The following MORC3 variants were observed in gnomAD, a reference collection of about 807,000 sequenced individuals.
The protein encoded by MORC3 is MORC family CW-type zinc finger protein 3.
MORC3 carries 31 observed loss-of-function variants against 109.1 expected under a neutral mutation model. That is an observed-to-expected ratio of 0.28 (90% CI 0.21 to 0.38). MORC3 has a LOEUF of 0.38. Among genes scored for constraint, MORC3 ranks in the 10% least tolerant of loss-of-function variants. The pLI is 1.00. For missense variants in MORC3, 867 were observed against 1,135.8 expected (o/e 0.76, Z 3.40); for synonymous variants, 395 against 380.7 (o/e 1.04, Z -0.44).
At chr21:36,356,234 T>C (rs1158483302) in intron 9 of MORC3, among the ~76,000 whole-genome samples, 2 of 152,222 alleles carry the variant, frequency 1.3e-5, no homozygotes, top group Non-Finnish European at 2.9e-5. Flanking sequence ...TGCTTCAGTC[T>C]TGATAAATTT....
At chr21:36,323,680 G>A (rs896629435) in intron 1 of MORC3, among the ~76,000 whole-genome samples, 2 of 152,128 alleles carry the variant, frequency 1.3e-5, no homozygotes, top group African/African-American at 4.8e-5. Context: ...TTTTAAAGAC[G>A]TGCTTGATTG....
intron 12 of MORC3, chr21:36,361,531 A>ACT (rs2085715517): frequency 1.1e-5 from 1 of 94,622 alleles, no homozygotes; most frequent in Non-Finnish European, 1.9e-5. Flanking sequence ...ACAGAGTGAG[A>ACT]CTCTGTCTCA....
At position 36,356,626 on chromosome 21, in the gene MORC3, A is replaced by G; in HGVS notation, c.1110A>G (p.Thr370=). 1 of 1,580,444 alleles carries G rather than the reference A, an allele frequency of 6.3e-7. No homozygotes were observed. Among genetic ancestry groups the G allele is most frequent in the Non-Finnish European group, 8.6e-7 (1 of 1,167,298 alleles). ...DFDYTNEYRL[T]ITALGEKLND... ...TTATGATTTACTTTTTAAGACTTAC[A>G]ATAACAGCACTAGGAGAAAAGCTGA... is the stretch of plus-strand genomic sequence containing the variant. The change falls in exon 10 of 17, where the codon ACA becomes ACG. Residue 370 remains threonine, a synonymous_variant. Coordinates refer to ENST00000400485, the MANE Select transcript of MORC3 (RefSeq NM_015358.3).
Position 36,369,627 on chromosome 21 carries a change from A to G in MORC3, c.2259A>G (p.Val753=), listed in dbSNP as rs1334388297. 3 of 1,614,120 alleles carry G rather than the reference A, an allele frequency of 1.9e-6. No individual in the cohort carries two copies. The highest frequency in any genetic ancestry group is 8.5e-7 in the Non-Finnish European group (1 of 1,180,048). The change falls in exon 15 of 17, where the codon GTA becomes GTG. Residue 753 remains valine, a synonymous_variant. Coordinates refer to ENST00000400485, the MANE Select transcript of MORC3 (RefSeq NM_015358.3). ...ATCAGTCCACTGAAACCGATGCTGT[A>G]TTTTTACTTGAAAGTATTAATGGCA... ...TCHQSTETDA[V]FLLESINGKS...
rs1365888005 is a variant in MORC3 at position 36,376,480 on chromosome 21, A to AT, written c.*1186dup. On this transcript the variant is annotated 3_prime_UTR_variant, in exon 17 of 17. Transcript: ENST00000400485. ...AGTATTGAATTTTTACTGTATAGTAATTCTGGAAAGAGCAAATAAATGAAG... is the reference window on the plus strand; with the variant it reads ...AGTATTGAATTTTTACTGTATAGTAATTTCTGGAAAGAGCAAATAAATGAAG... 1 of 152,198 alleles carries AT rather than the reference A, an allele frequency of 6.6e-6. No individual in the cohort carries two copies. The highest frequency in any genetic ancestry group is 1.5e-5 in the Non-Finnish European group (1 of 68,024). 9.4% of individuals were successfully genotyped at this position (152,198 alleles called of 1,614,324 possible). A position where few individuals can be genotyped will look rare whatever the true frequency, so the allele number is the denominator to read the frequency against.
intron 2 of MORC3, among the ~76,000 whole-genome samples, chr21:36,334,064 G>T (rs2085346503): frequency 6.6e-6 from 1 of 152,018 alleles, no homozygotes; most frequent in Non-Finnish European, 1.5e-5. Flanking sequence ...TGGGATTACA[G>T]GTGTGAGCCA....
rs143622574 is a variant in MORC3, at chr21:36,362,242, C to CTT, written c.1452+31_1452+32dup. 9.0e-4 allele frequency: 1,291 copies of CTT among 1,434,180 alleles called. No individual in the cohort carries two copies. The highest frequency in any genetic ancestry group is 2.9e-3 in the African/African-American group (185 of 63,950). 88.8% of individuals were successfully genotyped at this position (1,434,180 alleles called of 1,614,324 possible). On this transcript the variant is annotated intron_variant, in intron 13 of 16. Coordinates refer to ENST00000400485, the MANE Select transcript of MORC3 (RefSeq NM_015358.3). ...ATGATCCCTCGGGTAATTAAGCCTT[C>CTT]TTTTTTTTTTTTTTTTTTAAATAGA...
intron 9 of MORC3, among the ~76,000 whole-genome samples, chr21:36,352,909 T>A (rs1270665085): frequency 1.3e-5 from 2 of 150,976 alleles, no homozygotes; most frequent in Non-Finnish European, 2.9e-5. Context: ...AGTTTGAAGC[T>A]GCAGTGAGCT....
chr21:36,369,969 G>A, intron 15 of MORC3, 93 bp downstream of exon 15: 2 of 1,441,218 alleles, frequency 1.4e-6, no homozygotes, highest in South Asian at 1.3e-5. Context: ...GCTCATACCT[G>A]TAATCCCACC....
intron 8 of MORC3, chr21:36,348,407 CTTTT>C (rs1294205010): frequency 6.6e-6 from 1 of 152,070 alleles, no homozygotes; most frequent in Non-Finnish European, 1.5e-5. Context: ...CTTTTCTTTT[CTTTT>C]TTTGTCTTTT....
At chr21:36,365,704 C>T (rs962597923) in intron 14 of MORC3, among the ~76,000 whole-genome samples, 8 of 152,094 alleles carry the variant, frequency 5.3e-5, no homozygotes, top group African/African-American at 1.7e-4. Flanking sequence ...CCTCAGCGTC[C>T]CGAGTAGCTG....
At chr21:36,352,795 C>G (rs1248128798) in intron 9 of MORC3, among the ~76,000 whole-genome samples, 1 of 151,968 alleles carries the variant, frequency 6.6e-6, no homozygotes, top group African/African-American at 2.4e-5. Flanking sequence ...TGAATGGAAG[C>G]CTTACTGATA....
intron 14 of MORC3, 67 bp from the exon 15 acceptor site, chr21:36,368,921 T>C: frequency 7.4e-7 from 1 of 1,348,736 alleles, no homozygotes; most frequent in Non-Finnish European, 1.0e-6. Context: ...TTAGAATGAT[T>C]ACTTCAAGGT....
chr21:36,353,755 A>ATTTTTTTTTTTTTTTTT lies in MORC3; in HGVS notation c.1104-2859_1104-2843dup, dbSNP rs1202729285. 6.5e-3 allele frequency among the ~76,000 whole-genome samples: 458 copies of ATTTTTTTTTTTTTTTTT among 70,894 alleles called. 68 individuals are homozygous for ATTTTTTTTTTTTTTTTT. The highest frequency in any genetic ancestry group is 0.012 in the African/African-American group (185 of 14,900). The allele number at this position is 70,894 out of a possible 152,430, so 46.5% of individuals were successfully genotyped here. ...GCCACCAAGCCCGGCTAATTTTTGT[A>ATTTTTTTTTTTTTTTTT]TTTTTTTTTTTTTTTTTTTTTTAGT... On this transcript the variant is annotated intron_variant, in intron 9 of 16. Transcript: ENST00000400485.
At chr21:36,344,552 C>A in intron 6 of MORC3, 27 bp from the exon 7 acceptor site, 1 of 1,607,110 alleles carries the variant, frequency 6.2e-7, no homozygotes, top group Non-Finnish European at 8.5e-7. Flanking sequence ...CCTGTAGATA[C>A]TAACTTCTTG....
chr21:36,335,094 C>G (rs541582533), intron 2 of MORC3, among the ~76,000 whole-genome samples: 1 of 152,150 alleles, frequency 6.6e-6, no homozygotes, highest in South Asian at 2.1e-4. Flanking sequence ...TTCCTCCAGC[C>G]TGGGCTACAG....
intron 5 of MORC3, among the ~76,000 whole-genome samples, chr21:36,340,693 A>G (rs548315988): frequency 1.3e-4 from 17 of 130,480 alleles, no homozygotes; most frequent in South Asian, 7.1e-4. Context: ...GGAGTGAAGT[A>G]TAGCGCCATC....
intron 1 of MORC3, among the ~76,000 whole-genome samples, chr21:36,322,898 T>G (rs1421522109): frequency 6.6e-6 from 1 of 152,194 alleles, no homozygotes; most frequent in Non-Finnish European, 1.5e-5. Context: ...CTTTTTTCAC[T>G]TTTTTTGGTT....
At chr21:36,325,893 G>C (rs570904718) in intron 1 of MORC3, among the ~76,000 whole-genome samples, 8 of 152,248 alleles carry the variant, frequency 5.3e-5, no homozygotes, top group African/African-American at 1.9e-4. Flanking sequence ...CAGATTTGCT[G>C]TTGTTGTATC....
Sources: gnomAD v4.1 joint callset for allele counts (sites outside exome capture counted in the v4.1 genomes callset) on GRCh38, gnomAD v4.1.1 for gene constraint, MANE v1.5 for transcripts, NCBI Gene and HGNC (gene_info 2026-07-23, HGNC 2026-07-21) for gene names.